NCAM2: variants seen among roughly 807,000 people sequenced by gnomAD.
The protein encoded by NCAM2 is neural cell adhesion molecule 2.
In NCAM2, 30 loss-of-function variants were observed where a neutral mutation model predicts 98.1. The ratio of observed to expected loss-of-function variants is 0.31; its 90% confidence interval spans 0.23 to 0.41. The LOEUF (loss-of-function observed/expected upper bound fraction) is 0.41, where lower values mean the gene tolerates loss of function less well. Ranked by LOEUF, NCAM2 falls within the 10% of genes least tolerant of loss-of-function variation. NCAM2 has a pLI of 1.00. For synonymous variants in NCAM2, 368 were observed against 342.4 expected, an observed-to-expected ratio of 1.07 and a Z score of -0.83; for missense variants, 867 against 1,005.8, an observed-to-expected ratio of 0.86 and a Z score of 1.87.
At chr21:21,336,288 G>A (rs1326394297) in intron 7 of NCAM2, among the ~76,000 whole-genome samples, 1 of 151,862 alleles carries the variant, frequency 6.6e-6, no homozygotes, top group African/African-American at 2.4e-5. Context: ...AAAAATATAT[G>A]CCCTATTAAC....
chr21:21,530,303 TTA>T (rs1569142126), intron 16 of NCAM2, among the ~76,000 whole-genome samples: 1,741 of 106,924 alleles, frequency 0.016, 70 homozygotes, highest in African/African-American at 0.055. Flanking sequence ...TATAATTAAA[TTA>T]AATTATATAT....
At chr21:21,398,649 A>T (rs2076566119) in intron 9 of NCAM2, among the ~76,000 whole-genome samples, 1 of 152,172 alleles carries the variant, frequency 6.6e-6, no homozygotes, top group South Asian at 2.1e-4. Context: ...TTTAAGCAGG[A>T]TAGTTACATT....
At chr21:21,259,919 AACACACACACAC>A (rs10618210) in intron 1 of NCAM2, among the ~76,000 whole-genome samples, 9,012 of 141,920 alleles carry the variant, frequency 0.064, 624 homozygotes, top group East Asian at 0.32. Context: ...AATAAGAAGC[AACACACACACAC>A]ACACACACAC....
intron 1 of NCAM2, among the ~76,000 whole-genome samples, chr21:21,188,344 T>TTTG (rs1207449235): frequency 6.6e-6 from 1 of 152,140 alleles, no homozygotes; most frequent in Non-Finnish European, 1.5e-5. Context: ...TGAGAACAAA[T>TTTG]TTGGAGGTAT....
intron 11 of NCAM2, among the ~76,000 whole-genome samples, chr21:21,430,711 C>G (rs968484852): frequency 1.3e-5 from 2 of 151,924 alleles, no homozygotes; most frequent in Admixed American, 6.6e-5. Context: ...TCAGTTACCT[C>G]CACTTGGTTC....
intron 12 of NCAM2, among the ~76,000 whole-genome samples, chr21:21,452,901 TAA>T (rs1184373651): frequency 9.8e-6 from 1 of 102,048 alleles, no homozygotes; most frequent in Non-Finnish European, 1.7e-5. Context: ...ATATAATATA[TAA>T]TATATATTAC....
chr21:21,506,188 G>C (rs1021589730), intron 15 of NCAM2, among the ~76,000 whole-genome samples: 1 of 152,044 alleles, frequency 6.6e-6, no homozygotes, highest in African/African-American at 2.4e-5. Flanking sequence ...AAACCAATAG[G>C]ATCATCATGT....
intron 1 of NCAM2, among the ~76,000 whole-genome samples, chr21:21,135,660 C>A (rs1274931144): frequency 6.6e-6 from 1 of 152,134 alleles, no homozygotes; most frequent in Non-Finnish European, 1.5e-5. Flanking sequence ...CTCTCACTAT[C>A]TCCACTATTT....
rs201532023 is a variant in NCAM2, at chr21:21,533,166, CT to C, written c.2283-1358del. Among the ~76,000 whole-genome samples the C allele has an allele frequency of 9.0e-4, 84 of 93,750 alleles. 2 individuals are homozygous for C. The highest frequency in any genetic ancestry group is 1.1e-3 in the Non-Finnish European group (55 of 48,202). The allele number at this position is 93,750 out of a possible 152,430, so 61.5% of individuals were successfully genotyped here. On this transcript the variant is annotated intron_variant, in intron 16 of 17. Transcript: ENST00000400546. ...CCATTGTAGATTTGTTGTTTGCTTG[CT>C]TTTTTTTTTTTTGGTAATCCTAGTG...
chr21:21,410,796 C>A lies in NCAM2; in HGVS notation c.1383+335C>A, dbSNP rs576854507. Reference sequence around the variant, plus strand: ...GGCTGAGGAGGGCAGATCACAAGGTCAGGAGACTGAGACCGTCCTGGCCAA... The same window carrying A: ...GGCTGAGGAGGGCAGATCACAAGGTAAGGAGACTGAGACCGTCCTGGCCAA... On this transcript the variant is annotated intron_variant, in intron 10 of 17. Coordinates refer to ENST00000400546, the MANE Select transcript of NCAM2 (RefSeq NM_004540.5). 2.5e-3 allele frequency among the ~76,000 whole-genome samples: 382 copies of A among 151,030 alleles called. 2 individuals carry two copies. The highest frequency in any genetic ancestry group is 5.2e-3 in the Admixed American group (79 of 15,114).
At chr21:21,196,232 A>G in intron 1 of NCAM2, among the ~76,000 whole-genome samples, 1 of 152,132 alleles carries the variant, frequency 6.6e-6, no homozygotes, top group East Asian at 1.9e-4. Flanking sequence ...GACTGCCTCA[A>G]CCGCAGAGAG....
At chr21:21,338,293 C>T in intron 7 of NCAM2, 96 bp from the exon 8 acceptor site, 1 of 1,137,148 alleles carries the variant, frequency 8.8e-7, no homozygotes, top group Non-Finnish European at 1.3e-6. Flanking sequence ...TAATATCATA[C>T]TATACTATAG....
At chr21:21,057,235 A>G (rs1876253807) in intron 1 of NCAM2, among the ~76,000 whole-genome samples, 1 of 152,142 alleles carries the variant, frequency 6.6e-6, no homozygotes. Flanking sequence ...TCACAACAGC[A>G]GTTACATGGA....
rs1988565887 is a variant in NCAM2 at position 21,514,143 on chromosome 21, T to TTTATATTTATATTTATATTTATATTTA, written c.2282+5099_2282+5100insTTTATATTTATATTTATTATATTTATA. 4.6e-5 allele frequency among the ~76,000 whole-genome samples: 7 copies of TTTATATTTATATTTATATTTATATTTA among 150,732 alleles called. No homozygotes were observed. In the South Asian group the frequency reaches 1.5e-3, roughly 31 times the overall value. On this transcript the variant is annotated intron_variant, in intron 16 of 17. Transcript: ENST00000400546. ...TAAACCTATATATGGTATAATTAAA[T>TTTATATTTATATTTATATTTATATTTA]TTATATTTATAATAAAATATTTACA...
intron 15 of NCAM2, among the ~76,000 whole-genome samples, chr21:21,490,880 G>T (rs527368022): frequency 1.3e-5 from 2 of 151,792 alleles, no homozygotes; most frequent in South Asian, 4.1e-4. Context: ...CCAGCACTGT[G>T]TGTAATCCTA....
intron 1 of NCAM2, among the ~76,000 whole-genome samples, chr21:21,156,069 T>C (rs994187664): frequency 2.0e-5 from 3 of 152,010 alleles, no homozygotes; most frequent in South Asian, 2.1e-4. Context: ...CTTGACTCAG[T>C]ATCTGGAAAA....
chr21:21,123,222 G>C (rs1170925249), intron 1 of NCAM2, among the ~76,000 whole-genome samples: 3 of 151,788 alleles, frequency 2.0e-5, no homozygotes, highest in Admixed American at 6.6e-5. Flanking sequence ...GGTGAAACCC[G>C]GTCTGTACTA....
chr21:21,200,751 ATTTTTTTT>A (rs58162973), intron 1 of NCAM2, among the ~76,000 whole-genome samples: 3 of 108,664 alleles, frequency 2.8e-5, no homozygotes, highest in African/African-American at 1.0e-4. Flanking sequence ...GGGGCCCTTC[ATTTTTTTT>A]TTTTTTTTTT....
At chr21:21,018,881 G>A (rs2064372558) in intron 1 of NCAM2, among the ~76,000 whole-genome samples, 1 of 152,154 alleles carries the variant, frequency 6.6e-6, no homozygotes, top group Non-Finnish European at 1.5e-5. Context: ...GCATTGAATG[G>A]TTCTATTTTA....
Sources: gnomAD v4.1 joint callset for allele counts (sites outside exome capture counted in the v4.1 genomes callset) on GRCh38, gnomAD v4.1.1 for gene constraint, MANE v1.5 for transcripts, NCBI Gene and HGNC (gene_info 2026-07-23, HGNC 2026-07-21) for gene names.